Variants in RNF13 observed in about 807,000 individuals in gnomAD.
The protein encoded by RNF13 is ring finger protein 13, also known as E3 ubiquitin-protein ligase RNF13.
Under a neutral mutation model 37.7 loss-of-function variants are expected in RNF13, and 19 were observed. The ratio of observed to expected loss-of-function variants is 0.50; its 90% CI spans 0.35 to 0.74. The LOEUF (loss-of-function observed/expected upper bound fraction) is 0.74, where lower values mean the gene tolerates loss of function less well. Ranked by LOEUF, RNF13 falls within the 30% of genes least tolerant of loss-of-function variation. The probability of loss-of-function intolerance (pLI) is 0.01; values close to 1 mark genes in which losing one functional copy is unlikely to be tolerated. For missense variants in RNF13, 375 were observed against 453.0 expected (o/e 0.83, Z 1.56); for synonymous variants, 144 against 157.8 (o/e 0.91, Z 0.65).
At chr3:149,934,502 T>C (rs1167415845) in intron 8 of RNF13, among the ~76,000 whole-genome samples, 1 of 152,144 alleles carries the variant, frequency 6.6e-6, no homozygotes, top group Non-Finnish European at 1.5e-5. Context: ...CTACTTAGTA[T>C]TGCTTTTGCT....
chr3:149,879,817 C>T (rs1366534510), intron 4 of RNF13, among the ~76,000 whole-genome samples: 1 of 152,130 alleles, frequency 6.6e-6, no homozygotes, highest in African/African-American at 2.4e-5. Flanking sequence ...AAGGGAAAGT[C>T]TCTTTGTAAG....
intron 6 of RNF13, 27 bp from the exon 7 acceptor site, chr3:149,911,951 C>T: frequency 8.8e-7 from 1 of 1,141,580 alleles, no homozygotes. Flanking sequence ...CTTCATTTCT[C>T]AATTATTGAT....
Position 149,855,624 on chromosome 3 carries a change from A to G in RNF13, c.195+3028A>G, listed in dbSNP as rs974548518. 4.0e-5 allele frequency among the ~76,000 whole-genome samples: 6 copies of G among 151,278 alleles called. No homozygotes were observed. In the East Asian group the frequency reaches 7.7e-4, roughly 19 times the overall value. ...TATGTGTGCATATATATGTGTGTGT[A>G]TATATATATGTATTTTTTTTCCCCC... On this transcript the variant is annotated intron_variant, in intron 3 of 9. Coordinates refer to ENST00000392894, the MANE Select transcript of RNF13 (RefSeq NM_183381.3).
intron 8 of RNF13, among the ~76,000 whole-genome samples, chr3:149,928,091 C>T (rs9870251): frequency 0.31 from 45,374 of 145,444 alleles, 6,994 homozygotes; most frequent in Middle Eastern, 0.4. Context: ...GATTGAAAGA[C>T]TTAATATTGT....
intron 8 of RNF13, among the ~76,000 whole-genome samples, chr3:149,932,919 C>G (rs1719306495): frequency 6.6e-6 from 1 of 152,282 alleles, no homozygotes; most frequent in South Asian, 2.1e-4. Context: ...AGCAGAGTTT[C>G]TGTGTGGGGG....
chr3:149,896,283 T>C (rs1329538784), intron 5 of RNF13, among the ~76,000 whole-genome samples: 1 of 152,186 alleles, frequency 6.6e-6, no homozygotes, highest in Non-Finnish European at 1.5e-5. Flanking sequence ...TATTTTGTTA[T>C]TAAGTCCTAT....
At position 149,921,121 on chromosome 3, in the gene RNF13, C is replaced by G. The variant is rs1485283499; in HGVS notation, c.607-13C>G. On this transcript the variant is annotated splice_polypyrimidine_tract_variant and intron_variant, in intron 7 of 9. Transcript: ENST00000392894. ...TTAATATCTGACTCCTTTTTTTACT[C>G]TTTTATTTTTAGATCACAAAATTTG... 3.4e-6 allele frequency: 4 copies of G among 1,193,302 alleles called. No homozygotes were observed. The highest frequency in any genetic ancestry group is 4.5e-6 in the Non-Finnish European group (4 of 892,412). 73.9% of individuals were successfully genotyped at this position (1,193,302 alleles called of 1,614,324 possible). A position where few individuals can be genotyped will look rare whatever the true frequency, so the allele number is the denominator to read the frequency against.
intron 3 of RNF13, among the ~76,000 whole-genome samples, chr3:149,860,780 TA>T (rs959079104): frequency 6.6e-6 from 1 of 152,040 alleles, no homozygotes; most frequent in Non-Finnish European, 1.5e-5. Context: ...TATATTGAAC[TA>T]AAAAGCTTTT....
intron 8 of RNF13, among the ~76,000 whole-genome samples, chr3:149,956,822 A>C (rs1336876176): frequency 6.6e-6 from 1 of 152,186 alleles, no homozygotes; most frequent in Non-Finnish European, 1.5e-5. Context: ...TCTCACCCTC[A>C]GCACTACTGA....
At chr3:149,903,115 C>T (rs1716017912) in intron 6 of RNF13, among the ~76,000 whole-genome samples, 1 of 152,008 alleles carries the variant, frequency 6.6e-6, no homozygotes, top group South Asian at 2.1e-4. Context: ...TGTTAGTTCC[C>T]CACTACAGTG....
At position 149,846,149 on chromosome 3, in the gene RNF13, A is replaced by G. The variant is rs967807911; in HGVS notation, c.114+9A>G. Reference sequence around the variant, plus strand: ...AAGCAGACATTTTAGCAGTAAGTACAGTAAAATTTATTCATGTCTAGAAAC... The same window carrying G: ...AAGCAGACATTTTAGCAGTAAGTACGGTAAAATTTATTCATGTCTAGAAAC... On this transcript the variant is annotated intron_variant, in intron 2 of 9. Transcript: ENST00000392894. The G allele has an allele frequency of 6.5e-7, 1 of 1,541,162 alleles. No homozygotes were observed. The highest frequency in any genetic ancestry group is 1.4e-5 in the African/African-American group (1 of 73,160).
chr3:149,852,641 A>T, intron 3 of RNF13, 45 bp downstream of exon 3: 1 of 886,156 alleles, frequency 1.1e-6, no homozygotes, highest in Non-Finnish European at 1.7e-6. Context: ...GGTATTTAAT[A>T]AGGTGATTTT....
intron 3 of RNF13, among the ~76,000 whole-genome samples, chr3:149,860,266 A>ATATATAT (rs1483565842): frequency 1.1e-5 from 1 of 92,784 alleles, no homozygotes; most frequent in African/African-American, 4.0e-5. Context: ...TAAAAAAAAA[A>ATATATAT]AAAAATATAT....
intron 4 of RNF13, among the ~76,000 whole-genome samples, chr3:149,888,423 G>A (rs1243522714): frequency 6.6e-6 from 1 of 152,192 alleles, no homozygotes; most frequent in Non-Finnish European, 1.5e-5. Flanking sequence ...TCTGAAGACA[G>A]ATGTTCTCAG....
At chr3:149,908,038 C>G (rs1716612351) in intron 6 of RNF13, among the ~76,000 whole-genome samples, 1 of 152,194 alleles carries the variant, frequency 6.6e-6, no homozygotes, top group African/African-American at 2.4e-5. Context: ...TTATGACCTC[C>G]CAATCTGACA....
chr3:149,915,433 A>G (rs992107397), intron 7 of RNF13, among the ~76,000 whole-genome samples: 3 of 152,208 alleles, frequency 2.0e-5, no homozygotes, highest in Non-Finnish European at 4.4e-5. Context: ...TGGAACAACC[A>G]CTAAAGAATA....
chr3:149,888,776 T>G (rs1378135530), intron 4 of RNF13, among the ~76,000 whole-genome samples: 1 of 152,188 alleles, frequency 6.6e-6, no homozygotes, highest in Non-Finnish European at 1.5e-5. Flanking sequence ...AGCCTGGACA[T>G]ATACACATGT....
chr3:149,881,254 GT>G (rs1713360800), intron 4 of RNF13, among the ~76,000 whole-genome samples: 1 of 152,110 alleles, frequency 6.6e-6, no homozygotes. Context: ...AGTAAATTGT[GT>G]CTCCCAGTAT....
chr3:149,831,135 G>A (rs1459139576), intron 1 of RNF13, among the ~76,000 whole-genome samples: 2 of 152,248 alleles, frequency 1.3e-5, no homozygotes, highest in Non-Finnish European at 2.9e-5. Flanking sequence ...CTTTGCTAGG[G>A]CAGTGTGGAA....
Sources: allele counts gnomAD v4.1 joint callset (sites outside exome capture counted in the v4.1 genomes callset), GRCh38; gene constraint gnomAD v4.1.1; transcripts MANE v1.5; gene names NCBI Gene and HGNC (gene_info 2026-07-23, HGNC 2026-07-21).